Variants in TLCD4 observed in about 807,000 individuals in gnomAD.
TLCD4 encodes the protein TLC domain-containing protein 4.
Under a neutral mutation model 24.2 loss-of-function variants are expected in TLCD4, and 7 were observed. The ratio of observed to expected loss-of-function variants is 0.29; its 90% CI spans 0.16 to 0.54. TLCD4 has a LOEUF of 0.54. TLCD4 is among the 20% of genes least tolerant of loss of function. TLCD4 has a pLI of 0.95. For missense variants in TLCD4, 259 were observed against 313.9 expected (o/e 0.82, Z 1.32); for synonymous variants, 103 against 106.4 (o/e 0.97, Z 0.20).
the TLCD4 span, among the ~76,000 whole-genome samples, chr1:95,109,361 A>C: frequency 6.7e-6 from 1 of 150,294 alleles, no homozygotes; most frequent in Admixed American, 6.7e-5. Flanking sequence ...TAAATAAATA[A>C]AATTAAAACT....
chr1:95,139,931 G>A (rs1677152944), intron 1 of TLCD4, among the ~76,000 whole-genome samples: 2 of 151,998 alleles, frequency 1.3e-5, no homozygotes, highest in African/African-American at 4.8e-5. Context: ...CATTAGCCTA[G>A]GTCTGTCAGA....
At chr1:95,130,983 TG>T (rs1363594481) in intron 1 of TLCD4, among the ~76,000 whole-genome samples, 1 of 152,200 alleles carries the variant, frequency 6.6e-6, no homozygotes, top group African/African-American at 2.4e-5. Context: ...GTGATTACCC[TG>T]GTAAAACAAG....
intron 2 of TLCD4, among the ~76,000 whole-genome samples, chr1:95,148,084 G>T (rs950366727): frequency 1.3e-5 from 2 of 152,090 alleles, no homozygotes; most frequent in South Asian, 2.1e-4. Flanking sequence ...ATTTAGAAAT[G>T]TTTTCATAAT....
chr1:95,141,998 G>A lies in TLCD4; in HGVS notation c.-11-1893G>A, dbSNP rs535926532. Among the ~76,000 whole-genome samples the A allele has an allele frequency of 2.1e-4, 32 of 152,234 alleles. 1 individual carries two copies. The South Asian group carries it at 6.6e-3, about 32-fold the overall frequency. ...CTCTGGTGAATTGATTTCAGTAGGT[G>A]ACTTTATTTCTTTGCATTAGGCAGC... On this transcript the variant is annotated intron_variant, in intron 1 of 6. Coordinates refer to ENST00000370203, the MANE Select transcript of TLCD4 (RefSeq NM_152487.3).
chr1:95,163,755 T>C (rs1287153696), intron 5 of TLCD4: 1 of 152,564 alleles, frequency 6.6e-6, no homozygotes, highest in Non-Finnish European at 1.5e-5. Context: ...TGTTGGAGTT[T>C]GCTGTAGGTC....
chr1:95,145,603 T>C (rs1222947418), intron 2 of TLCD4, among the ~76,000 whole-genome samples: 6 of 152,180 alleles, frequency 3.9e-5, no homozygotes, highest in Admixed American at 2.0e-4. Flanking sequence ...TTCTAACATA[T>C]GAAGATAGAT....
At chr1:95,133,607 T>G (rs1375733099) in intron 1 of TLCD4, among the ~76,000 whole-genome samples, 1 of 152,106 alleles carries the variant, frequency 6.6e-6, no homozygotes, top group Non-Finnish European at 1.5e-5. Context: ...TACTTTTTTG[T>G]GAAGTAGGAT....
chr1:95,171,984 G>A (rs11165333), intron 5 of TLCD4, among the ~76,000 whole-genome samples: 10,928 of 152,218 alleles, frequency 0.072, 533 homozygotes, highest in East Asian at 0.2. Flanking sequence ...CATGCACACA[G>A]GGATAATGCC....
intron 1 of TLCD4, among the ~76,000 whole-genome samples, chr1:95,126,532 A>C (rs923287674): frequency 1.8e-4 from 28 of 152,098 alleles, no homozygotes; most frequent in Non-Finnish European, 2.9e-5. Context: ...TAGTAGCTTG[A>C]AACAGTGATT....
At chr1:95,173,762 G>A (rs1678316749) in intron 5 of TLCD4, 54 bp from the exon 6 acceptor site, 1 of 1,610,152 alleles carries the variant, frequency 6.2e-7, no homozygotes, top group Non-Finnish European at 8.5e-7. Flanking sequence ...ACGGTATTTG[G>A]GAATTTTGTT....
chr1:95,187,279 A>G (rs1040402541), intron 6 of TLCD4, among the ~76,000 whole-genome samples: 9 of 152,180 alleles, frequency 5.9e-5, no homozygotes, highest in South Asian at 2.1e-4. Flanking sequence ...ATTGTTAACT[A>G]AAGTCCATAC....
At chr1:95,142,213 C>A (rs1291271668) in intron 1 of TLCD4, among the ~76,000 whole-genome samples, 1 of 141,038 alleles carries the variant, frequency 7.1e-6, no homozygotes, top group Non-Finnish European at 1.5e-5. Flanking sequence ...AGAAAACACA[C>A]TTTGAGTGTG....
chr1:95,158,286 C>T (rs1677687722), intron 5 of TLCD4, among the ~76,000 whole-genome samples: 1 of 150,914 alleles, frequency 6.6e-6, no homozygotes, highest in Non-Finnish European at 1.5e-5. Flanking sequence ...CTCCCAGGGC[C>T]AAGCGATCTG....
chr1:95,170,330 C>CTT (rs10664436), intron 5 of TLCD4, among the ~76,000 whole-genome samples: 3,349 of 126,558 alleles, frequency 0.026, 109 homozygotes, highest in Non-Finnish European at 0.037. Context: ...ACAAATCATT[C>CTT]TTTTTTTTTT....
chr1:95,183,862 CA>C (rs201415645), intron 6 of TLCD4, among the ~76,000 whole-genome samples: 6 of 150,164 alleles, frequency 4.0e-5, no homozygotes, highest in African/African-American at 1.5e-4. Context: ...AAAACAAAAA[CA>C]AAAAAAACAA....
intron 6 of TLCD4, among the ~76,000 whole-genome samples, chr1:95,189,696 C>A (rs1446323063): frequency 1.3e-5 from 2 of 152,160 alleles, no homozygotes; most frequent in Non-Finnish European, 1.5e-5. Context: ...ACTTTAGATT[C>A]ATTCTTGCTG....
At chr1:95,133,716 G>A (rs970882146) in intron 1 of TLCD4, among the ~76,000 whole-genome samples, 6 of 152,044 alleles carry the variant, frequency 3.9e-5, no homozygotes, top group African/African-American at 7.2e-5. Flanking sequence ...GTTGGTTGGA[G>A]TGGCAAATGG....
intron 1 of TLCD4, among the ~76,000 whole-genome samples, chr1:95,124,120 T>G (rs1431301578): frequency 6.6e-6 from 1 of 152,238 alleles, no homozygotes; most frequent in Non-Finnish European, 1.5e-5. Flanking sequence ...TTTAGTTTTA[T>G]TTATATTCCC....
At chr1:95,154,116 T>C (rs1488371430) in intron 5 of TLCD4, among the ~76,000 whole-genome samples, 3 of 152,174 alleles carry the variant, frequency 2.0e-5, no homozygotes, top group African/African-American at 7.2e-5. Context: ...TCTTTAAGGT[T>C]CTATTCTAAT....
Sources: allele counts gnomAD v4.1 joint callset (sites outside exome capture counted in the v4.1 genomes callset), GRCh38; gene constraint gnomAD v4.1.1; transcripts MANE v1.5; gene names NCBI Gene and HGNC (gene_info 2026-07-23, HGNC 2026-07-21).